Variants in KLF12 observed in about 807,000 individuals in gnomAD.
The protein encoded by KLF12 is Krueppel-like factor 12.
Under a neutral mutation model 37.8 loss-of-function variants are expected in KLF12, and 9 were observed. The observed-to-expected ratio is 0.24, with a 90% CI of 0.14 to 0.42. The LOEUF is 0.42. KLF12 is among the 10% of genes least tolerant of loss of function. The pLI is 1.00. For synonymous variants in KLF12, 208 were observed against 202.1 expected, an observed-to-expected ratio of 1.03 and a Z score of -0.25; for missense variants, 411 against 516.0, an observed-to-expected ratio of 0.80 and a Z score of 1.97.
intron 6 of KLF12, among the ~76,000 whole-genome samples, chr13:73,741,957 A>G (rs986700050): frequency 6.6e-6 from 1 of 152,162 alleles, no homozygotes; most frequent in African/African-American, 2.4e-5. Context: ...TATGCATACA[A>G]CAAAGATCAC....
the KLF12 span, among the ~76,000 whole-genome samples, chr13:74,165,618 C>G: frequency 6.6e-6 from 1 of 152,142 alleles, no homozygotes; most frequent in African/African-American, 2.4e-5. Flanking sequence ...CATAGTTGCA[C>G]TTGTTCCGTG....
Position 73,979,402 on chromosome 13 carries a change from T to A in KLF12, c.33+15588A>T, listed in dbSNP as rs896838493. ...ACACACACACACACACACACACAAA[T>A]CATGGAATACAGCTAATGCTGTCTG... On this transcript the variant is annotated intron_variant, in intron 2 of 7. Coordinates refer to ENST00000377669, the MANE Select transcript of KLF12 (RefSeq NM_007249.5). Among the ~76,000 whole-genome samples, 166 of 106,860 alleles carry A rather than the reference T, an allele frequency of 1.6e-3. 1 individual carries two copies. Among genetic ancestry groups the A allele is most frequent in the African/African-American group, 6.3e-3 (157 of 24,820 alleles). 70.1% of individuals were successfully genotyped at this position (106,860 alleles called of 152,430 possible). A position where few individuals can be genotyped will look rare whatever the true frequency, so the allele number is the denominator to read the frequency against.
intron 1 of KLF12, among the ~76,000 whole-genome samples, chr13:74,073,109 T>C (rs1220482370): frequency 1.3e-5 from 2 of 152,224 alleles, no homozygotes; most frequent in African/African-American, 4.8e-5. Context: ...GCTCCTCCTT[T>C]GCCTTCTGCC....
At chr13:74,246,550 C>G in the KLF12 span, among the ~76,000 whole-genome samples, 1 of 152,174 alleles carries the variant, frequency 6.6e-6, no homozygotes, top group Non-Finnish European at 1.5e-5. Context: ...GAAAGTGGCC[C>G]CCTGCCAGCT....
chr13:73,874,343 T>C (rs1359439310), intron 3 of KLF12, among the ~76,000 whole-genome samples: 1 of 152,224 alleles, frequency 6.6e-6, no homozygotes, highest in Non-Finnish European at 1.5e-5. Flanking sequence ...ACACTTCCCC[T>C]GTGAAACATT....
intron 4 of KLF12, among the ~76,000 whole-genome samples, chr13:73,835,745 A>C (rs547822567): frequency 6.6e-6 from 1 of 152,308 alleles, no homozygotes; most frequent in Non-Finnish European, 1.5e-5. Context: ...CATATATGTA[A>C]ACAAGTTAAT....
At chr13:73,943,140 T>C (rs988154797) in intron 3 of KLF12, among the ~76,000 whole-genome samples, 8 of 152,240 alleles carry the variant, frequency 5.3e-5, no homozygotes, top group Admixed American at 4.6e-4. Context: ...TTTTTAGTTA[T>C]GATTTTTTAA....
intron 6 of KLF12, among the ~76,000 whole-genome samples, chr13:73,748,097 G>A (rs1313178930): frequency 6.6e-6 from 1 of 152,216 alleles, no homozygotes; most frequent in Non-Finnish European, 1.5e-5. Flanking sequence ...TTGGAGACTC[G>A]CCTCTATCAC....
the KLF12 span, among the ~76,000 whole-genome samples, chr13:74,290,220 C>G: frequency 1.3e-5 from 2 of 152,064 alleles, no homozygotes; most frequent in South Asian, 4.2e-4. Context: ...GTTGACACCA[C>G]GAATGAGACA....
intron 1 of KLF12, among the ~76,000 whole-genome samples, chr13:74,132,199 C>T (rs919781614): frequency 1.3e-5 from 2 of 152,166 alleles, no homozygotes. Context: ...TATACACCCA[C>T]TCCTCAAAGT....
chr13:73,998,678 G>A (rs926284180), intron 1 of KLF12, among the ~76,000 whole-genome samples: 3 of 152,216 alleles, frequency 2.0e-5, no homozygotes, highest in Non-Finnish European at 2.9e-5. Context: ...ATGTCAGTCT[G>A]TGATGTTATG....
intron 3 of KLF12, among the ~76,000 whole-genome samples, chr13:73,858,755 G>A (rs188325420): frequency 1.2e-3 from 189 of 152,080 alleles, no homozygotes; most frequent in African/African-American, 4.3e-3. Context: ...AACTACATTT[G>A]GAAAACATGA....
chr13:74,305,802 A>G, the KLF12 span, among the ~76,000 whole-genome samples: 5 of 152,046 alleles, frequency 3.3e-5, no homozygotes, highest in Non-Finnish European at 7.4e-5. Context: ...CCTTCACACT[A>G]ATAACAGAGG....
intron 3 of KLF12, among the ~76,000 whole-genome samples, chr13:73,912,058 T>TA (rs1888595428): frequency 1.3e-5 from 2 of 152,254 alleles, no homozygotes; most frequent in Admixed American, 1.3e-4. Context: ...AGGTAGTTTC[T>TA]AAAATAGTTT....
chr13:74,102,788 A>T (rs898723230), intron 1 of KLF12, among the ~76,000 whole-genome samples: 15 of 152,274 alleles, frequency 9.9e-5, no homozygotes, highest in African/African-American at 3.1e-4. Context: ...GGAGGACATG[A>T]CAGGGAATGA....
intron 1 of KLF12, among the ~76,000 whole-genome samples, chr13:74,050,129 T>G (rs1319928586): frequency 6.6e-6 from 1 of 152,032 alleles, no homozygotes. Flanking sequence ...AACAAGACAC[T>G]TCTACAAGAT....
Position 74,099,992 on chromosome 13 carries a change from GCA to G in KLF12, c.-32+33745_-32+33746del, listed in dbSNP as rs200976705. Among the ~76,000 whole-genome samples the G allele has an allele frequency of 6.6e-3, 997 of 152,194 alleles. 11 individuals are homozygous for G. Among genetic ancestry groups the G allele is most frequent in the African/African-American group, 0.022 (904 of 41,510 alleles). On this transcript the variant is annotated intron_variant, in intron 1 of 7. Transcript: ENST00000377669. ...CATGGAGTGCTGATGGGAAAGAAGG[GCA>G]CACACACAGGGAAGCAGGTCCACTG...
intron 2 of KLF12, among the ~76,000 whole-genome samples, chr13:73,946,053 GC>G (rs1443604375): frequency 6.6e-6 from 1 of 152,136 alleles, no homozygotes; most frequent in African/African-American, 2.4e-5. Flanking sequence ...CCTTCCTGCA[GC>G]CGGCCAGCCC....
chr13:73,748,212 G>C (rs1384248627), intron 6 of KLF12, among the ~76,000 whole-genome samples: 3 of 152,304 alleles, frequency 2.0e-5, no homozygotes, highest in Non-Finnish European at 4.4e-5. Context: ...TTGTCACACA[G>C]AAGACAAAGT....
Sources: allele counts gnomAD v4.1 joint callset (sites outside exome capture counted in the v4.1 genomes callset), GRCh38; gene constraint gnomAD v4.1.1; transcripts MANE v1.5; gene names NCBI Gene and HGNC (gene_info 2026-07-23, HGNC 2026-07-21).